The following RASGRP2 variants were observed in gnomAD, a reference collection of about 807,000 sequenced individuals.
RASGRP2 encodes the protein RAS guanyl-releasing protein 2.
In RASGRP2, 44 loss-of-function variants were observed where a neutral mutation model predicts 71.0. The ratio of observed to expected loss-of-function variants is 0.62; its 90% CI spans 0.49 to 0.80. RASGRP2 has a LOEUF of 0.80. RASGRP2 is among the 30% of genes least tolerant of loss of function. The pLI, the probability that RASGRP2 is intolerant of heterozygous loss-of-function variation, is 0.00. For missense variants in RASGRP2, 663 were observed against 813.4 expected, an observed-to-expected ratio of 0.82 and a Z score of 2.25; for synonymous variants, 350 against 330.7, an observed-to-expected ratio of 1.06 and a Z score of -0.63.
In RASGRP2 at chr11:64,742,544, T is replaced by C; in HGVS notation, c.73+250A>G. On this transcript the variant is annotated intron_variant, in intron 2 of 16. Transcript: ENST00000394432. This position sits in a 1 kb window ranked among gnomAD's most constrained non-coding sequence, Gnocchi z 4.7. ...GGAGACAGATAATGCCCCTCAAGTG[T>C]CAGAGTCCGGGACCCGGCCCTCCCT... 1 of 598,772 alleles carries C rather than the reference T, an allele frequency of 1.7e-6. No homozygotes were observed. The allele number at this position is 598,772 out of a possible 1,614,324, so 37.1% of individuals were successfully genotyped here. A position where few individuals can be genotyped will look rare whatever the true frequency, so the allele number is the denominator to read the frequency against.
chr11:64,743,002 G>T lies in RASGRP2; in HGVS notation c.-71-65C>A. On this transcript the variant is annotated intron_variant, in intron 1 of 16. Coordinates refer to ENST00000394432, the MANE Select transcript of RASGRP2 (RefSeq NM_001098671.2). This position sits in a 1 kb window ranked among gnomAD's most constrained non-coding sequence, Gnocchi z 4.9. Reference sequence around the variant, plus strand: ...GGGCGGGGGAGCGGCCCCGCGGGCAGAAACGGGGCGGGGCGGGCACGCCCC... The same window carrying T: ...GGGCGGGGGAGCGGCCCCGCGGGCATAAACGGGGCGGGGCGGGCACGCCCC... The T allele has an allele frequency of 2.0e-6, 3 of 1,486,964 alleles. No homozygotes were observed. The highest frequency in any genetic ancestry group is 2.7e-6 in the Non-Finnish European group (3 of 1,113,924). The allele number at this position is 1,486,964 out of a possible 1,614,324, so 92.1% of individuals were successfully genotyped here.
intron 15 of RASGRP2, among the ~76,000 whole-genome samples, chr11:64,728,335 C>T (rs762749648): frequency 3.9e-5 from 6 of 152,234 alleles, no homozygotes; most frequent in Non-Finnish European, 5.9e-5. Context: ...CACTTTTATA[C>T]CTCTTTATAA....
rs1198448440 is a variant in RASGRP2, at chr11:64,743,128, G to A, written c.-71-191C>T. 1.5e-6 allele frequency: 1 copy of A among 688,622 alleles called. No homozygotes were observed. The highest frequency in any genetic ancestry group is 2.1e-5 in the Admixed American group (1 of 48,612). The allele number at this position is 688,622 out of a possible 1,614,324, so 42.7% of individuals were successfully genotyped here. On this transcript the variant is annotated intron_variant, in intron 1 of 16. Coordinates refer to ENST00000394432, the MANE Select transcript of RASGRP2 (RefSeq NM_001098671.2). This position sits in a 1 kb window ranked among gnomAD's most constrained non-coding sequence, Gnocchi z 4.9. ...GCCAGTTGGGAAACGGACCCGCAGA[G>A]AGGCTTCCGGCCCACCCTCGGAGTC...
At chr11:64,737,154 C>T (rs1465188402) in intron 8 of RASGRP2, 120 bp from the exon 9 acceptor site, 3 of 1,192,654 alleles carry the variant, frequency 2.5e-6, no homozygotes, top group African/African-American at 3.0e-5. Context: ...GTAAAAACCT[C>T]CCTTACTGTC....
At chr11:64,741,190 G>T (rs2058109394) in intron 4 of RASGRP2, 111 bp from the exon 5 acceptor site, 4 of 1,383,462 alleles carry the variant, frequency 2.9e-6, no homozygotes, top group East Asian at 5.0e-5. Context: ...CTCAAACTAT[G>T]GTTCCAGCTC....
At chr11:64,732,443 G>A (rs1034860300) in intron 12 of RASGRP2, among the ~76,000 whole-genome samples, 6 of 152,160 alleles carry the variant, frequency 3.9e-5, no homozygotes, top group African/African-American at 1.4e-4. Context: ...CGGATCACCT[G>A]AGGTCAGAAG....
intron 8 of RASGRP2, among the ~76,000 whole-genome samples, chr11:64,737,409 A>C (rs1429164686): frequency 6.6e-6 from 1 of 152,114 alleles, no homozygotes; most frequent in Non-Finnish European, 1.5e-5. Flanking sequence ...GGTGGCTCAC[A>C]CTTGTAATCT....
intron 8 of RASGRP2, chr11:64,737,283 C>T (rs1442113949): frequency 5.5e-6 from 3 of 549,376 alleles, no homozygotes; most frequent in Non-Finnish European, 9.8e-6. Flanking sequence ...GAATCATCAA[C>T]ATTTAACAGG....
At position 64,736,872 on chromosome 11, in the gene RASGRP2, G is replaced by C; in HGVS notation, c.976C>G (p.Arg326Gly). The stretch of plus-strand genomic sequence containing the variant: ...ATCTTGGCCCCGTTGAGCCGGGTCC[G>C]GGCTGGGTCCAGCCAGTCAGGCAGT... ...LALPDWLDPARTRLNGAKMKQ... is the reference protein window; with the variant it reads ...LALPDWLDPAGTRLNGAKMKQ... The change falls in exon 9 of 17, where the codon CGG becomes GGG. Residue 326 changes from arginine to glycine, a missense_variant. Arg to Gly is a moderately radical substitution (Grantham distance 125). Coordinates refer to ENST00000394432, the MANE Select transcript of RASGRP2 (RefSeq NM_001098671.2). 6.2e-7 allele frequency: 1 copy of C among 1,613,718 alleles called. No individual in the cohort carries two copies. Among genetic ancestry groups the C allele is most frequent in the Non-Finnish European group, 8.5e-7 (1 of 1,180,018 alleles).
chr11:64,744,602 G>C (rs1160573433), upstream of RASGRP2: 1 of 151,970 alleles, frequency 6.6e-6, no homozygotes, highest in African/African-American at 2.4e-5. Context: ...CGTGGCCGCT[G>C]CCCCCTCTCC....
At position 64,735,825 on chromosome 11, in the gene RASGRP2, TA is replaced by T. The variant is rs1471367115; in HGVS notation, c.1173+77del. 2.0e-6 allele frequency: 3 copies of T among 1,512,468 alleles called. No homozygotes were observed. Among genetic ancestry groups the T allele is most frequent in the Non-Finnish European group, 2.7e-6 (3 of 1,103,358 alleles). 93.7% of individuals were successfully genotyped at this position (1,512,468 alleles called of 1,614,324 possible). ...CAAGATGGATGGGTGAGGTGGCTGC[TA>T]AGAGCTCTTCCCATCCTCACATCCT... On this transcript the variant is annotated intron_variant, in intron 10 of 16. Transcript: ENST00000394432. The surrounding 1 kb of genome is among the most constrained non-coding windows in gnomAD (Gnocchi z 4.2).
upstream of RASGRP2, chr11:64,744,332 C>A: frequency 1.0e-6 from 1 of 985,356 alleles, no homozygotes; most frequent in South Asian, 4.7e-5. Context: ...CACATACTCA[C>A]TCCCCCAGGC....
At chr11:64,737,118 A>G in intron 8 of RASGRP2, 84 bp from the exon 9 acceptor site, 1 of 1,538,408 alleles carries the variant, frequency 6.5e-7, no homozygotes, top group Non-Finnish European at 8.9e-7. Context: ...GGTGAGGAGG[A>G]GTCAGGGTCA....
At chr11:64,737,336 C>T (rs1464565837) in intron 8 of RASGRP2, 3 of 434,734 alleles carry the variant, frequency 6.9e-6, no homozygotes, top group African/African-American at 2.0e-5. Flanking sequence ...AGGACAATGA[C>T]CTGGAAGAAC....
chr11:64,744,347 G>A (rs959793693), upstream of RASGRP2: 9 of 981,926 alleles, frequency 9.2e-6, no homozygotes, highest in African/African-American at 7.0e-5. Flanking sequence ...CCAGGCTGGA[G>A]GACAGGGGAG....
rs1306380292 is a variant in RASGRP2, at chr11:64,743,160, A to G, written c.-71-223T>C. Reference sequence around the variant, plus strand: ...CCGGCCCACCCTCGGAGTCGCGGGAAGGCCGAGGGGCTTCACGAGGATGGG... The same window carrying G: ...CCGGCCCACCCTCGGAGTCGCGGGAGGGCCGAGGGGCTTCACGAGGATGGG... On this transcript the variant is annotated intron_variant, in intron 1 of 16. Coordinates refer to ENST00000394432, the MANE Select transcript of RASGRP2 (RefSeq NM_001098671.2). The surrounding 1 kb of genome is among the most constrained non-coding windows in gnomAD (Gnocchi z 4.9). 1.3e-5 allele frequency: 8 copies of G among 619,526 alleles called. No individual in the cohort carries two copies. The highest frequency in any genetic ancestry group is 1.3e-4 in the African/African-American group (7 of 55,122). The allele number at this position is 619,526 out of a possible 1,614,324, so 38.4% of individuals were successfully genotyped here.
upstream of RASGRP2, chr11:64,744,335 C>T: frequency 4.1e-6 from 4 of 985,286 alleles, no homozygotes; most frequent in Non-Finnish European, 4.8e-6. Context: ...ATACTCACTC[C>T]CCCAGGCTGG....
intron 12 of RASGRP2, among the ~76,000 whole-genome samples, chr11:64,733,395 AACACACACACACACAC>A (rs4014428): frequency 1.0e-3 from 128 of 124,896 alleles, no homozygotes; most frequent in South Asian, 4.1e-3. Flanking sequence ...CCCCCTCACC[AACACACACACACACAC>A]ACACACACAC....
Position 64,736,737 on chromosome 11 carries a change from G to GC in RASGRP2, c.1095+15dup. The GC allele has an allele frequency of 6.4e-7, 1 of 1,565,794 alleles. No individual in the cohort carries two copies. Among genetic ancestry groups the GC allele is most frequent in the Non-Finnish European group, 8.7e-7 (1 of 1,155,980 alleles). On this transcript the variant is annotated intron_variant, in intron 9 of 16. Transcript: ENST00000394432. ...CTGGTGCCCAGCTCCCCACCTCCCTGCCCCCTGCTCCTCACCGTGAGCAGG... is the reference window on the plus strand; with the variant it reads ...CTGGTGCCCAGCTCCCCACCTCCCTGCCCCCCTGCTCCTCACCGTGAGCAGG...
Sources: gnomAD v4.1 joint callset for allele counts (sites outside exome capture counted in the v4.1 genomes callset) on GRCh38, gnomAD v4.1.1 for gene constraint, Gnocchi (gnomAD v3.1) non-coding constraint, MANE v1.5 for transcripts, NCBI Gene and HGNC (gene_info 2026-07-23, HGNC 2026-07-21) for gene names.